MAP4K4: variants seen among roughly 807,000 people sequenced by gnomAD.
MAP4K4 encodes the protein mitogen-activated protein kinase kinase kinase kinase 4, also known as HPK/GCK-like kinase HGK.
In MAP4K4, 38 loss-of-function variants were observed where a neutral mutation model predicts 189.6. The ratio of observed to expected loss-of-function variants is 0.20; its 90% confidence interval spans 0.15 to 0.26. The LOEUF is 0.26. Among genes scored for constraint, MAP4K4 ranks in the 10% least tolerant of loss-of-function variants. The probability of loss-of-function intolerance (pLI) is 1.00; values close to 1 mark genes in which losing one functional copy is unlikely to be tolerated. For missense variants in MAP4K4, 1,054 were observed against 1,726.9 expected, an observed-to-expected ratio of 0.61 and a Z score of 6.91; for synonymous variants, 610 against 624.3, an observed-to-expected ratio of 0.98 and a Z score of 0.34.
intron 5 of MAP4K4, among the ~76,000 whole-genome samples, chr2:101,828,550 C>A (rs1007302500): frequency 6.6e-6 from 1 of 152,068 alleles, no homozygotes; most frequent in African/African-American, 2.4e-5. Flanking sequence ...TTGAAACCCC[C>A]TATGTTAGAA....
intron 32 of MAP4K4, among the ~76,000 whole-genome samples, chr2:101,890,700 C>T (rs1177114819): frequency 6.6e-6 from 1 of 152,102 alleles, no homozygotes; most frequent in Admixed American, 6.5e-5. Flanking sequence ...CATGGTCCGC[C>T]TACGTCGGCC....
chr2:101,800,432 C>T (rs2148965873), intron 3 of MAP4K4, among the ~76,000 whole-genome samples: 1 of 152,280 alleles, frequency 6.6e-6, no homozygotes, highest in Non-Finnish European at 1.5e-5. Flanking sequence ...TCCGAAAGTG[C>T]TTTGAGCAGT....
intron 2 of MAP4K4, among the ~76,000 whole-genome samples, chr2:101,773,084 C>T (rs889190028): frequency 6.6e-6 from 1 of 152,132 alleles, no homozygotes; most frequent in African/African-American, 2.4e-5. Context: ...TTCTCTGTGC[C>T]CTAGTTGACC....
At chr2:101,737,453 ATATATATATTTTTTTTTTTT>A (rs1161005057) in intron 2 of MAP4K4, among the ~76,000 whole-genome samples, 4 of 39,580 alleles carry the variant, frequency 1.0e-4, no homozygotes, top group African/African-American at 1.4e-4. Context: ...ATATATATAT[ATATATATATTTTTTTTTTTT>A]TTTTTTTTTT....
At chr2:101,797,889 G>GTGTTTTTTGTTTTT (rs1553478618) in intron 3 of MAP4K4, among the ~76,000 whole-genome samples, 1 of 52,304 alleles carries the variant, frequency 1.9e-5, no homozygotes, top group Non-Finnish European at 3.3e-5. Context: ...CATTCTTTTA[G>GTGTTTTTTGTTTTT]TTTTTTTTTT....
At chr2:101,763,610 G>A (rs1029931731) in intron 2 of MAP4K4, among the ~76,000 whole-genome samples, 7 of 152,300 alleles carry the variant, frequency 4.6e-5, no homozygotes, top group African/African-American at 1.7e-4. Context: ...AAGTGTGAGT[G>A]AAGCAACAAT....
chr2:101,779,810 T>C (rs1230055732), intron 2 of MAP4K4, among the ~76,000 whole-genome samples: 1 of 61,848 alleles, frequency 1.6e-5, no homozygotes, highest in Non-Finnish European at 3.4e-5. Flanking sequence ...TTCACCTCTC[T>C]TTTTTTTTTT....
intron 3 of MAP4K4, among the ~76,000 whole-genome samples, chr2:101,812,415 G>T (rs145133621): frequency 5.9e-5 from 9 of 152,136 alleles, no homozygotes; most frequent in Non-Finnish European, 1.0e-4. Context: ...CATGTCTTTC[G>T]TTCAGCCACT....
intron 3 of MAP4K4, among the ~76,000 whole-genome samples, chr2:101,804,561 G>A (rs1169305282): frequency 6.6e-6 from 1 of 152,088 alleles, no homozygotes; most frequent in Non-Finnish European, 1.5e-5. Context: ...TCTTTTCTCT[G>A]AGCACAGGAA....
exon 33 of MAP4K4, chr2:101,892,751 A>G (rs1056342699): frequency 1.9e-5 from 7 of 378,176 alleles, no homozygotes; most frequent in Middle Eastern, 7.4e-4. Flanking sequence ...TTTTAAACCA[A>G]TTTTACTTTA....
intron 2 of MAP4K4, among the ~76,000 whole-genome samples, chr2:101,773,824 T>C (rs997580361): frequency 1.3e-4 from 20 of 152,202 alleles, no homozygotes; most frequent in African/African-American, 4.8e-4. Flanking sequence ...TAGAAGTAAA[T>C]GAACGTGCAA....
At chr2:101,783,071 G>T (rs1286942594) in intron 2 of MAP4K4, among the ~76,000 whole-genome samples, 3 of 152,146 alleles carry the variant, frequency 2.0e-5, no homozygotes, top group Admixed American at 2.0e-4. Flanking sequence ...AGGGGAGTAG[G>T]TTGGAATTGT....
chr2:101,729,116 G>GTT, intron 2 of MAP4K4, among the ~76,000 whole-genome samples: 1 of 151,926 alleles, frequency 6.6e-6, no homozygotes, highest in East Asian at 1.9e-4. Flanking sequence ...GTGTGTGTGT[G>GTT]TGTGTGTGTG....
intron 2 of MAP4K4, among the ~76,000 whole-genome samples, chr2:101,778,943 T>G (rs2085806725): frequency 6.6e-6 from 1 of 152,200 alleles, no homozygotes; most frequent in African/African-American, 2.4e-5. Flanking sequence ...TTTCTAGCTG[T>G]GTGACCTTCG....
chr2:101,882,066 C>A (rs2098405797), intron 27 of MAP4K4, among the ~76,000 whole-genome samples: 1 of 152,178 alleles, frequency 6.6e-6, no homozygotes, highest in Non-Finnish European at 1.5e-5. Context: ...ACATATCCTA[C>A]TTTAATAGAT....
chr2:101,837,301 A>G (rs778719682), intron 9 of MAP4K4, among the ~76,000 whole-genome samples: 5 of 150,804 alleles, frequency 3.3e-5, no homozygotes, highest in Non-Finnish European at 5.9e-5. Context: ...TTTCCCCTAT[A>G]TTGTTGCACG....
chr2:101,710,651 G>A (rs2044912003), intron 2 of MAP4K4, among the ~76,000 whole-genome samples: 1 of 152,178 alleles, frequency 6.6e-6, no homozygotes. Flanking sequence ...TGCAGATGGG[G>A]AATAGCAGGG....
In MAP4K4 at chr2:101,869,616, C is replaced by T; in HGVS notation, c.2464-6C>T. On this transcript the variant is annotated splice_region_variant and splice_polypyrimidine_tract_variant and intron_variant, in intron 21 of 32. Coordinates refer to ENST00000324219, the Ensembl canonical transcript of MAP4K4. The stretch of plus-strand genomic sequence containing the variant: ...CTTACTCTCTCTTTTCTGTCCTTTG[C>T]TTTAGGATCTGACCGCACTGGCCAA... 6.2e-7 allele frequency: 1 copy of T among 1,607,402 alleles called. No homozygotes were observed. Among genetic ancestry groups the T allele is most frequent in the Non-Finnish European group, 8.5e-7 (1 of 1,176,516 alleles).
chr2:101,800,501 T>C (rs1400243710), intron 3 of MAP4K4, among the ~76,000 whole-genome samples: 2 of 152,254 alleles, frequency 1.3e-5, no homozygotes, highest in Non-Finnish European at 2.9e-5. Flanking sequence ...TATATTAATA[T>C]TTATGTGCTA....
Sources: gnomAD v4.1 joint callset for allele counts (sites outside exome capture counted in the v4.1 genomes callset) on GRCh38, gnomAD v4.1.1 for gene constraint, MANE v1.5 for transcripts, NCBI Gene and HGNC (gene_info 2026-07-23, HGNC 2026-07-21) for gene names.